The following C2CD2 variants were observed in gnomAD, a reference collection of about 807,000 sequenced individuals.
The protein encoded by C2CD2 is C2 domain-containing protein 2.
A neutral mutation model predicts 74.3 loss-of-function variants in C2CD2; 43 were observed. That is an observed-to-expected ratio of 0.58 (90% CI 0.45 to 0.75). The LOEUF (loss-of-function observed/expected upper bound fraction) is 0.75, where lower values mean the gene tolerates loss of function less well. Ranked by LOEUF, C2CD2 falls within the 30% of genes least tolerant of loss-of-function variation. The pLI is 0.00. For missense variants in C2CD2, 801 were observed against 916.3 expected (o/e 0.87, Z 1.63); for synonymous variants, 422 against 390.7 (o/e 1.08, Z -0.94).
At chr21:41,928,529 T>A (rs1226165860) in intron 2 of C2CD2, among the ~76,000 whole-genome samples, 1 of 79,488 alleles carries the variant, frequency 1.3e-5, no homozygotes, top group African/African-American at 4.8e-5. Flanking sequence ...GAATTTCAAA[T>A]CATGTAAAGC....
At position 41,953,481 on chromosome 21, in the gene C2CD2, C is replaced by A; in HGVS notation, c.168G>T (p.Pro56=). The change falls in exon 1 of 14, where the codon CCG becomes CCT. Residue 56 remains proline, a synonymous_variant. Coordinates refer to ENST00000380486, the MANE Select transcript of C2CD2 (RefSeq NM_015500.2). The part of the protein sequence containing the change: ...QRRAVEPGEG[P]RPGSDALLSW... ...AGAGCAGCGCGTCGGACCCCGGGCG[C>A]GGCCCCTCTCCAGGCTCCACCGCCC... is the stretch of plus-strand genomic sequence containing the variant. 1 of 1,481,180 alleles carries A rather than the reference C, an allele frequency of 6.8e-7. No individual in the cohort carries two copies. Among genetic ancestry groups the A allele is most frequent in the South Asian group, 1.3e-5 (1 of 76,382 alleles). 91.8% of individuals were successfully genotyped at this position (1,481,180 alleles called of 1,614,324 possible).
At chr21:41,921,789 G>T (rs934714826) in intron 3 of C2CD2, among the ~76,000 whole-genome samples, 183 bp downstream of exon 3, 1 of 152,154 alleles carries the variant, frequency 6.6e-6, no homozygotes, top group Non-Finnish European at 1.5e-5. Context: ...GTAATGTGTA[G>T]TGTGTGTGAT....
intron 13 of C2CD2, among the ~76,000 whole-genome samples, chr21:41,893,760 G>A (rs1464865220): frequency 1.4e-5 from 2 of 147,040 alleles, no homozygotes; most frequent in African/African-American, 5.1e-5. Context: ...GGAGTGCAGT[G>A]GTGCTATCTC....
chr21:41,941,960 A>G (rs1314103662), intron 2 of C2CD2, among the ~76,000 whole-genome samples, 187 bp downstream of exon 2: 1 of 152,236 alleles, frequency 6.6e-6, no homozygotes, highest in Non-Finnish European at 1.5e-5. Flanking sequence ...TGAAGGCGGA[A>G]TAACGTCCCA....
rs934058002 is a variant in C2CD2, at chr21:41,892,720, C to T, written c.1871-3376G>A. Reference sequence around the variant, plus strand: ...CAGCTGGGGTTATCCACTGCTAGCCCGGGTCTGGCCAAAATGCCACTAGTG... The same window carrying T: ...CAGCTGGGGTTATCCACTGCTAGCCTGGGTCTGGCCAAAATGCCACTAGTG... On this transcript the variant is annotated intron_variant, in intron 13 of 13. Transcript: ENST00000380486. This position sits in a 1 kb window ranked among gnomAD's most constrained non-coding sequence, Gnocchi z 4.6. Among the ~76,000 whole-genome samples the T allele has an allele frequency of 5.3e-5, 8 of 152,204 alleles. No homozygotes were observed. Among genetic ancestry groups the T allele is most frequent in the South Asian group, 2.1e-4 (1 of 4,828 alleles).
At chr21:41,905,070 G>A (rs977539281) in intron 11 of C2CD2, among the ~76,000 whole-genome samples, 19 of 152,104 alleles carry the variant, frequency 1.2e-4, no homozygotes, top group African/African-American at 4.6e-4. Flanking sequence ...TTAAAGTGAC[G>A]GTGAGGACGA....
chr21:41,901,601 C>A, intron 12 of C2CD2, 21 bp downstream of exon 12: 1 of 1,613,874 alleles, frequency 6.2e-7, no homozygotes, highest in Non-Finnish European at 8.5e-7. Flanking sequence ...ATGAACACCT[C>A]CCCAGCCACC....
intron 1 of C2CD2, 54 bp from the exon 2 acceptor site, chr21:41,942,299 T>A: frequency 7.7e-7 from 1 of 1,304,184 alleles, no homozygotes; most frequent in African/African-American, 1.5e-5. Flanking sequence ...CTGCATCTTT[T>A]AAATTACATA....
intron 2 of C2CD2, among the ~76,000 whole-genome samples, chr21:41,927,811 G>T (rs1569076512): frequency 6.6e-6 from 1 of 152,134 alleles, no homozygotes; most frequent in Non-Finnish European, 1.5e-5. Context: ...GGATTGAGAT[G>T]AAAAGGGTTG....
rs80105920 is a variant in C2CD2, at chr21:41,891,197, A to G, written c.1871-1853T>C. On this transcript the variant is annotated intron_variant, in intron 13 of 13. Transcript: ENST00000380486. The stretch of plus-strand genomic sequence containing the variant: ...AGGAGCCTGTGTGCAGGAGCTTCGG[A>G]GACTGCTGGAAAAGGAATGAAAAAG... Among the ~76,000 whole-genome samples, 11 of 110,672 alleles carry G rather than the reference A, an allele frequency of 9.9e-5. 1 individual carries two copies. The highest frequency in any genetic ancestry group is 7.0e-4 in the East Asian group (2 of 2,870). 72.6% of individuals were successfully genotyped at this position (110,672 alleles called of 152,430 possible).
chr21:41,910,691 TAC>T (rs34542509), intron 7 of C2CD2, among the ~76,000 whole-genome samples: 7,014 of 151,634 alleles, frequency 0.046, 205 homozygotes, highest in Non-Finnish European at 0.059. Context: ...ATAAAAGCTA[TAC>T]ACACACACAC....
intron 1 of C2CD2, among the ~76,000 whole-genome samples, chr21:41,946,878 A>C (rs2065401821): frequency 6.6e-6 from 1 of 152,100 alleles, no homozygotes; most frequent in Non-Finnish European, 1.5e-5. Flanking sequence ...CAAAATAATG[A>C]TCAACAGTCT....
In C2CD2 at chr21:41,926,295, C is replaced by A. The variant is rs989942042; in HGVS notation, c.379-4210G>T. 5.1e-6 allele frequency: 1 copy of A among 194,420 alleles called. No homozygotes were observed. Among genetic ancestry groups the A allele is most frequent in the African/African-American group, 2.4e-5 (1 of 42,170 alleles). 12.0% of individuals were successfully genotyped at this position (194,420 alleles called of 1,614,324 possible). A position where few individuals can be genotyped will look rare whatever the true frequency, so the allele number is the denominator to read the frequency against. ...GCAACAGAAGGGTGAACTTTGTATT[C>A]CAAATAAACAGCTTCCTCTCTGTAT... On this transcript the variant is annotated intron_variant, in intron 2 of 13. Coordinates refer to ENST00000380486, the MANE Select transcript of C2CD2 (RefSeq NM_015500.2). This position sits in a 1 kb window ranked among gnomAD's most constrained non-coding sequence, Gnocchi z 8.0.
Position 41,895,052 on chromosome 21 carries a change from G to T in C2CD2, c.1870+4001C>A. On this transcript the variant is annotated intron_variant, in intron 13 of 13. Transcript: ENST00000380486. The surrounding 1 kb of genome is among the most constrained non-coding windows in gnomAD (Gnocchi z 5.0). ...GCTGGGAAGGCATTGTGTAGATGTG[G>T]ATAACAACTCCAGCCAGTGGACTTT... 2.3e-6 allele frequency: 1 copy of T among 432,020 alleles called. No homozygotes were observed. The highest frequency in any genetic ancestry group is 1.6e-5 in the South Asian group (1 of 60,864). 26.8% of individuals were successfully genotyped at this position (432,020 alleles called of 1,614,324 possible).
At chr21:41,950,168 G>C (rs2065438555) in intron 1 of C2CD2, among the ~76,000 whole-genome samples, 1 of 152,052 alleles carries the variant, frequency 6.6e-6, no homozygotes, top group Non-Finnish European at 1.5e-5. Flanking sequence ...AAAGAAAGAG[G>C]AACTCTGATG....
intron 13 of C2CD2, among the ~76,000 whole-genome samples, chr21:41,896,266 T>A (rs192291899): frequency 1.3e-5 from 2 of 152,284 alleles, no homozygotes; most frequent in African/African-American, 4.8e-5. Flanking sequence ...GGAATGAGCA[T>A]GAGATGAAGA....
Position 41,942,137 on chromosome 21 carries a change from C to T in C2CD2, c.378+10G>A. ...ACCTCTTCCTGCAGGGAATGGGCTCCTGGGCTCACCTTCTCCTCCGCCGAC... is the reference window on the plus strand; with the variant it reads ...ACCTCTTCCTGCAGGGAATGGGCTCTTGGGCTCACCTTCTCCTCCGCCGAC... On this transcript the variant is annotated intron_variant, in intron 2 of 13. Coordinates refer to ENST00000380486, the MANE Select transcript of C2CD2 (RefSeq NM_015500.2). 1 of 1,549,240 alleles carries T rather than the reference C, an allele frequency of 6.5e-7. No homozygotes were observed. The highest frequency in any genetic ancestry group is 8.7e-7 in the Non-Finnish European group (1 of 1,146,736).
At position 41,892,420 on chromosome 21, in the gene C2CD2, T is replaced by C. The variant is rs566896118; in HGVS notation, c.1871-3076A>G. 6.6e-6 allele frequency among the ~76,000 whole-genome samples: 1 copy of C among 152,254 alleles called. No individual in the cohort carries two copies. Among genetic ancestry groups the C allele is most frequent in the South Asian group, 2.1e-4 (1 of 4,826 alleles). ...TTGCAAACACCCAGTTTGTGGTACTTTGATACAGCCCTGGGAGGGGAGGGG... is the reference window on the plus strand; with the variant it reads ...TTGCAAACACCCAGTTTGTGGTACTCTGATACAGCCCTGGGAGGGGAGGGG... On this transcript the variant is annotated intron_variant, in intron 13 of 13. Coordinates refer to ENST00000380486, the MANE Select transcript of C2CD2 (RefSeq NM_015500.2). This position sits in a 1 kb window ranked among gnomAD's most constrained non-coding sequence, Gnocchi z 4.6.
At position 41,907,137 on chromosome 21, in the gene C2CD2, T is replaced by C. The variant is rs1464954775; in HGVS notation, c.1173A>G (p.Lys391=). The C allele has an allele frequency of 3.1e-6, 5 of 1,614,032 alleles. No homozygotes were observed. Among genetic ancestry groups the C allele is most frequent in the Non-Finnish European group, 4.2e-6 (5 of 1,180,014 alleles). Reference sequence around the variant, plus strand: ...GAACAGGGGGAGGGATGGGCCAGGATTTCAATTCACCAGGTTCCATGTAAG... The same window carrying C: ...GAACAGGGGGAGGGATGGGCCAGGACTTCAATTCACCAGGTTCCATGTAAG... The part of the protein sequence containing the change: ...EFSYMEPGEL[K]SWPIPPPVPA... The change falls in exon 10 of 14, where the codon AAA becomes AAG. Residue 391 remains lysine (K), a synonymous_variant. Transcript: ENST00000380486.
Sources: allele counts gnomAD v4.1 joint callset (sites outside exome capture counted in the v4.1 genomes callset), GRCh38; gene constraint gnomAD v4.1.1; non-coding constraint Gnocchi (gnomAD v3.1); transcripts MANE v1.5; gene names NCBI Gene and HGNC (gene_info 2026-07-23, HGNC 2026-07-21).